Variants in CAST observed in about 807,000 individuals in gnomAD.
CAST encodes MIR583 host.
A neutral mutation model predicts 119.6 loss-of-function variants in CAST; 76 were observed. That is an observed-to-expected ratio of 0.64 (90% confidence interval 0.53 to 0.77). The LOEUF (loss-of-function observed/expected upper bound fraction) is 0.77. Among genes scored for constraint, CAST ranks in the 30% least tolerant of loss-of-function variants. The pLI is 0.00. For synonymous variants in CAST, 319 were observed against 331.6 expected, an observed-to-expected ratio of 0.96 and a Z score of 0.41; for missense variants, 953 against 946.5, an observed-to-expected ratio of 1.01 and a Z score of -0.09.
chr5:96,528,160 A>C (rs1725352203), upstream of CAST, among the ~76,000 whole-genome samples: 1 of 152,208 alleles, frequency 6.6e-6, no homozygotes, highest in Non-Finnish European at 1.5e-5. Flanking sequence ...ATGACTTGTT[A>C]AAGTCATACA....
upstream of CAST, among the ~76,000 whole-genome samples, chr5:96,661,431 A>G (rs2150209712): frequency 6.7e-6 from 1 of 150,280 alleles, no homozygotes; most frequent in East Asian, 1.9e-4. Flanking sequence ...AAAAAAAAAA[A>G]AAAAAAAAAA....
At chr5:96,263,721 C>G in the CAST span, among the ~76,000 whole-genome samples, 2 of 151,910 alleles carry the variant, frequency 1.3e-5, no homozygotes, top group Non-Finnish European at 2.9e-5. Context: ...TACCTGAGAC[C>G]AGGTAATTTA....
the CAST span, among the ~76,000 whole-genome samples, chr5:96,369,243 T>G: frequency 6.6e-6 from 1 of 152,036 alleles, no homozygotes; most frequent in South Asian, 2.1e-4. Flanking sequence ...AATCTCTTTA[T>G]GAGTTTTTCA....
intron 1 of CAST, among the ~76,000 whole-genome samples, chr5:96,537,919 T>A (rs982647279): frequency 2.0e-5 from 3 of 152,212 alleles, no homozygotes; most frequent in African/African-American, 4.8e-5. Context: ...TATATCCATA[T>A]TGATCCTGTC....
chr5:96,767,809 T>C (rs1770552076), intron 28 of CAST, 98 bp from the exon 29 acceptor site: 2 of 728,042 alleles, frequency 2.7e-6, no homozygotes, highest in East Asian at 2.6e-5. Context: ...TTTTTTCTTA[T>C]AGAAACATCT....
chr5:96,096,982 G>C, the CAST span, among the ~76,000 whole-genome samples: 2 of 151,968 alleles, frequency 1.3e-5, no homozygotes, highest in African/African-American at 4.8e-5. Context: ...AATTCTCCAG[G>C]GTCCTTTTAA....
chr5:96,030,283 T>A, the CAST span, among the ~76,000 whole-genome samples: 1 of 152,276 alleles, frequency 6.6e-6, no homozygotes, highest in East Asian at 1.9e-4. Flanking sequence ...CAAGATAGGA[T>A]GATAGAACAT....
intron 25 of CAST, among the ~76,000 whole-genome samples, chr5:96,764,089 A>G (rs1768960582): frequency 6.6e-6 from 1 of 152,216 alleles, no homozygotes; most frequent in Admixed American, 6.5e-5. Flanking sequence ...AGAGTTCAGC[A>G]TGGTGTCTTA....
the CAST span, among the ~76,000 whole-genome samples, chr5:96,485,497 G>T: frequency 3.3e-5 from 5 of 152,216 alleles, no homozygotes; most frequent in East Asian, 9.6e-4. Flanking sequence ...TCATAGAGCC[G>T]ATTTGGTGGT....
At chr5:96,025,815 C>G in the CAST span, among the ~76,000 whole-genome samples, 1 of 152,180 alleles carries the variant, frequency 6.6e-6, no homozygotes, top group Non-Finnish European at 1.5e-5. Context: ...GCATAGTGTC[C>G]CAGGCAGTGG....
intron 1 of CAST, among the ~76,000 whole-genome samples, chr5:96,642,738 A>G (rs185434969): frequency 9.9e-5 from 15 of 152,102 alleles, no homozygotes; most frequent in African/African-American, 3.6e-4. Flanking sequence ...GACAAGAGAC[A>G]GGGTTGCACC....
chr5:96,743,008 A>T (rs962940684), intron 16 of CAST, among the ~76,000 whole-genome samples: 1 of 152,310 alleles, frequency 6.6e-6, no homozygotes, highest in East Asian at 1.9e-4. Context: ...ATGACCCTTG[A>T]CTAAACAAGG....
the CAST span, among the ~76,000 whole-genome samples, chr5:96,076,494 C>A: frequency 6.6e-6 from 1 of 152,170 alleles, no homozygotes; most frequent in Non-Finnish European, 1.5e-5. Flanking sequence ...CTCCCAAATC[C>A]TTCTGCGTGT....
At chr5:96,711,067 T>G (rs1450370470) in intron 3 of CAST, among the ~76,000 whole-genome samples, 1 of 152,230 alleles carries the variant, frequency 6.6e-6, no homozygotes, top group Non-Finnish European at 1.5e-5. Context: ...TGTTTTCTTC[T>G]CCAGCCCTTC....
the CAST span, among the ~76,000 whole-genome samples, chr5:96,384,800 G>A: frequency 6.6e-6 from 1 of 152,176 alleles, no homozygotes; most frequent in African/African-American, 2.4e-5. Flanking sequence ...AAGGGATTCT[G>A]TCTGGACAAA....
rs532703593 is a variant in CAST, at chr5:96,597,331, C to G, written c.60+67451C>G. On this transcript the variant is annotated intron_variant, in intron 1 of 11. Coordinates refer to the CAST transcript ENST00000505143. Reference sequence around the variant, plus strand: ...GGTGGGATACTGTGGCCTTTTCCCCCACTCACCTACGTGAAATACTAATTA... The same window carrying G: ...GGTGGGATACTGTGGCCTTTTCCCCGACTCACCTACGTGAAATACTAATTA... Among the ~76,000 whole-genome samples the G allele has an allele frequency of 4.6e-5, 7 of 152,330 alleles. No individual in the cohort carries two copies. The South Asian group carries it at 8.3e-4, about 18-fold the overall frequency.
the CAST span, among the ~76,000 whole-genome samples, chr5:96,348,311 C>T: frequency 1.3e-5 from 2 of 151,758 alleles, no homozygotes; most frequent in African/African-American, 4.8e-5. Context: ...TTTTATTCTA[C>T]TCTTTGTTTT....
chr5:96,158,366 A>T, the CAST span, among the ~76,000 whole-genome samples: 1 of 152,152 alleles, frequency 6.6e-6, no homozygotes, highest in African/African-American at 2.4e-5. Flanking sequence ...TTGCTTCTTT[A>T]GCCATCTGAA....
the CAST span, among the ~76,000 whole-genome samples, chr5:96,446,063 G>C: frequency 0.056 from 8,415 of 151,354 alleles, 253 homozygotes; most frequent in South Asian, 0.083. Flanking sequence ...TACCCAGGCT[G>C]TTCTCAAACT....
Sources: allele counts gnomAD v4.1 joint callset (sites outside exome capture counted in the v4.1 genomes callset), GRCh38; gene constraint gnomAD v4.1.1; transcripts MANE v1.5; gene names NCBI Gene and HGNC (gene_info 2026-07-23, HGNC 2026-07-21).